The following ZNRF3 variants were observed in gnomAD, a reference collection of about 807,000 sequenced individuals.
ZNRF3 encodes zinc and ring finger 3.
In ZNRF3, 23 loss-of-function variants were observed where a neutral mutation model predicts 72.5. The observed-to-expected ratio is 0.32, with a 90% CI of 0.23 to 0.45. The LOEUF is 0.45. ZNRF3 is among the 20% of genes least tolerant of loss of function. The pLI is 1.00. For missense variants in ZNRF3, 1,169 were observed against 1,272.1 expected (o/e 0.92, Z 1.23); for synonymous variants, 610 against 545.3 (o/e 1.12, Z -1.65).
chr22:28,895,666 C>CA (rs909928672), intron 1 of ZNRF3, among the ~76,000 whole-genome samples: 19 of 149,934 alleles, frequency 1.3e-4, no homozygotes, highest in South Asian at 2.1e-4. Flanking sequence ...GACTCCGTCT[C>CA]AAAAAAAAAG....
intron 1 of ZNRF3, among the ~76,000 whole-genome samples, chr22:28,903,142 G>A (rs549545816): frequency 3.0e-3 from 450 of 152,272 alleles, no homozygotes; most frequent in Non-Finnish European, 5.1e-3. Context: ...TTCCTGGGAG[G>A]GACGCTTTGC....
At chr22:28,969,411 C>A (rs1274097768) in intron 1 of ZNRF3, among the ~76,000 whole-genome samples, 2 of 151,964 alleles carry the variant, frequency 1.3e-5, no homozygotes, top group Non-Finnish European at 2.9e-5. Flanking sequence ...GAAACTGAAT[C>A]AAAAATAAAC....
chr22:29,011,403 G>C (rs931302300), intron 2 of ZNRF3, among the ~76,000 whole-genome samples: 1 of 152,234 alleles, frequency 6.6e-6, no homozygotes, highest in African/African-American at 2.4e-5. Context: ...TGAATGGCAA[G>C]GAAGTGGGGA....
intron 1 of ZNRF3, among the ~76,000 whole-genome samples, chr22:28,982,940 A>T (rs966517506): frequency 6.6e-6 from 1 of 152,150 alleles, no homozygotes; most frequent in African/African-American, 2.4e-5. Flanking sequence ...GAATTAACAG[A>T]CTTGCACTGG....
intron 2 of ZNRF3, among the ~76,000 whole-genome samples, chr22:29,023,602 C>T (rs1378789036): frequency 6.6e-6 from 1 of 152,186 alleles, no homozygotes; most frequent in Non-Finnish European, 1.5e-5. Context: ...GCTATATTAG[C>T]TCCCACAAAT....
chr22:29,020,774 T>G (rs942576835), intron 2 of ZNRF3, among the ~76,000 whole-genome samples: 19 of 67,920 alleles, frequency 2.8e-4, no homozygotes, highest in South Asian at 1.6e-3. Context: ...TGTGTGTGTG[T>G]GGGTGTGTGT....
chr22:28,904,145 A>C (rs962923279), intron 1 of ZNRF3, among the ~76,000 whole-genome samples: 2 of 152,318 alleles, frequency 1.3e-5, no homozygotes, highest in African/African-American at 4.8e-5. Flanking sequence ...ACTCCTAGTT[A>C]ACCTTGGCTC....
chr22:28,920,297 G>C (rs1451117039), intron 1 of ZNRF3, among the ~76,000 whole-genome samples: 3 of 148,344 alleles, frequency 2.0e-5, no homozygotes, highest in African/African-American at 2.5e-5. Flanking sequence ...TTGAGACAGA[G>C]TCTCGCTCTG....
chr22:28,933,723 ACC>A (rs1352744836), intron 1 of ZNRF3, among the ~76,000 whole-genome samples: 24 of 17,160 alleles, frequency 1.4e-3, no homozygotes, highest in East Asian at 5.1e-3. Flanking sequence ...CCCCCACCCC[ACC>A]CCCCCCACAC....
chr22:28,917,395 A>C, intron 1 of ZNRF3: 1 of 985,356 alleles, frequency 1.0e-6, no homozygotes, highest in Non-Finnish European at 1.2e-6. Flanking sequence ...CTGTGCACAG[A>C]AGTTTGCTGC....
chr22:28,904,980 C>T (rs1244782150), intron 1 of ZNRF3, among the ~76,000 whole-genome samples: 2 of 151,244 alleles, frequency 1.3e-5, no homozygotes, highest in Middle Eastern at 3.4e-3. Flanking sequence ...CACTCTGTCA[C>T]CCAGACTGGA....
At chr22:28,982,244 A>G (rs753300527) in intron 1 of ZNRF3, among the ~76,000 whole-genome samples, 6 of 152,154 alleles carry the variant, frequency 3.9e-5, no homozygotes, top group Non-Finnish European at 8.8e-5. Context: ...TTTAGTCACT[A>G]TATCATCTGA....
intron 2 of ZNRF3, among the ~76,000 whole-genome samples, chr22:29,006,213 C>CTTTT (rs372438825): frequency 0.016 from 1,703 of 106,406 alleles, 59 homozygotes; most frequent in African/African-American, 0.043. Flanking sequence ...TCATCCGTTT[C>CTTTT]TTTTTTTTTT....
intron 1 of ZNRF3, among the ~76,000 whole-genome samples, chr22:28,920,626 C>T (rs781195549): frequency 1.3e-5 from 2 of 152,180 alleles, no homozygotes; most frequent in Non-Finnish European, 2.9e-5. Context: ...TTTTGCCTTG[C>T]GGTTACTGAA....
chr22:29,050,876 GCTGT>G lies in ZNRF3; in HGVS notation c.2697_2700del (p.Val900GlyfsTer55), dbSNP rs2037192685. ...TGGCTGCCCTCCGGAGGAGGCGGGT[GCTGT>G]CAGGGCCAACTTCCCTAGTGCCCTC... On this transcript the variant is annotated frameshift_variant, in exon 8 of 9. Coordinates refer to ENST00000544604, the MANE Select transcript of ZNRF3 (RefSeq NM_001206998.2). LOFTEE classifies it high-confidence loss of function. 1 of 1,590,564 alleles carries G rather than the reference GCTGT, an allele frequency of 6.3e-7. No homozygotes were observed.
intron 1 of ZNRF3, among the ~76,000 whole-genome samples, chr22:28,899,262 C>T (rs1413433783): frequency 6.6e-6 from 1 of 152,188 alleles, no homozygotes; most frequent in East Asian, 1.9e-4. Context: ...GTAATTTTTG[C>T]ATTTCCTGAC....
chr22:28,973,953 CTTTTTTTTTTT>C lies in ZNRF3; in HGVS notation c.301-13111_301-13101del, dbSNP rs553300044. Among the ~76,000 whole-genome samples the C allele has an allele frequency of 4.5e-5, 5 of 111,474 alleles. No homozygotes were observed. The Admixed American group carries it at 4.9e-4, about 11-fold the overall frequency. 73.1% of individuals were successfully genotyped at this position (111,474 alleles called of 152,430 possible). On this transcript the variant is annotated intron_variant, in intron 1 of 8. Coordinates refer to ENST00000544604, the MANE Select transcript of ZNRF3 (RefSeq NM_001206998.2). Reference sequence around the variant, plus strand: ...GAAAGGAATGCATCTCTCTCTCTCTCTTTTTTTTTTTTTTTTTTTTTTGAGACGGAGTCTCG... The same window carrying C: ...GAAAGGAATGCATCTCTCTCTCTCTCTTTTTTTTTTTGAGACGGAGTCTCG...
chr22:29,031,523 T>TG (rs2036756703), intron 2 of ZNRF3: 2 of 942,514 alleles, frequency 2.1e-6, no homozygotes, highest in Admixed American at 6.2e-5. Flanking sequence ...TGTCATGCAG[T>TG]GACTCATGCT....
intron 1 of ZNRF3, among the ~76,000 whole-genome samples, chr22:28,922,775 T>C (rs2034532499): frequency 6.6e-6 from 1 of 152,206 alleles, no homozygotes; most frequent in South Asian, 2.1e-4. Flanking sequence ...GCCCGATCTA[T>C]ATGTGGCATG....
Sources: gnomAD v4.1 joint callset for allele counts (sites outside exome capture counted in the v4.1 genomes callset) on GRCh38, gnomAD v4.1.1 for gene constraint, MANE v1.5 for transcripts, NCBI Gene and HGNC (gene_info 2026-07-23, HGNC 2026-07-21) for gene names.